RASA1: variants seen among roughly 807,000 people sequenced by gnomAD.
RASA1 encodes the protein RAS p21 protein activator 1.
Under a neutral mutation model 132.2 loss-of-function variants are expected in RASA1, and 25 were observed. That is an observed-to-expected ratio of 0.19 (90% CI 0.14 to 0.26). RASA1 has a LOEUF of 0.26. RASA1 is among the 10% of genes least tolerant of loss of function. The pLI is 1.00. For synonymous variants in RASA1, 477 were observed against 449.9 expected (o/e 1.06, Z -0.76); for missense variants, 964 against 1,299.2 (o/e 0.74, Z 3.97).
intron 1 of RASA1, among the ~76,000 whole-genome samples, chr5:87,287,588 C>CA (rs1754690458): frequency 6.9e-6 from 1 of 144,748 alleles, no homozygotes; most frequent in Non-Finnish European, 1.5e-5. Context: ...CATATATATA[C>CA]ACCATACATA....
At chr5:87,361,147 T>A (rs4421140) in intron 9 of RASA1, among the ~76,000 whole-genome samples, 2 of 151,980 alleles carry the variant, frequency 1.3e-5, no homozygotes, top group Admixed American at 1.3e-4. Flanking sequence ...GTGTGTCCAC[T>A]AAAGTCTGTC....
Position 87,385,437 on chromosome 5 carries a change from G to A in RASA1, c.2847+48G>A, listed in dbSNP as rs763451214. The A allele has an allele frequency of 6.5e-6, 9 of 1,384,132 alleles. No homozygotes were observed. In the African/African-American group the frequency reaches 1.0e-4, roughly 15 times the overall value. The allele number at this position is 1,384,132 out of a possible 1,614,324, so 85.7% of individuals were successfully genotyped here. ...AAATGTAATTTATGAATGCAAGTTT[G>A]ACATGATAAAACCATAAATTGTGGC... On this transcript the variant is annotated intron_variant, in intron 22 of 24. Transcript: ENST00000274376.
In RASA1 at chr5:87,268,921, ACT is replaced by A. The variant is rs797044451; in HGVS notation, c.475_476del (p.Leu159GlyfsTer20). The A allele has an allele frequency of 1.2e-6, 2 of 1,613,954 alleles. No individual in the cohort carries two copies. Among genetic ancestry groups the A allele is most frequent in the Non-Finnish European group, 1.7e-6 (2 of 1,179,992 alleles). ...GGCCTCGGGACAGTGGACGAAGGTG[ACT>A]CTCTGGATGGACCAGAATACGAGGA... On this transcript the variant is annotated frameshift_variant, in exon 1 of 25. Coordinates refer to ENST00000274376, the MANE Select transcript of RASA1 (RefSeq NM_002890.3). LOFTEE classifies it high-confidence loss of function.
intron 1 of RASA1, among the ~76,000 whole-genome samples, chr5:87,273,324 A>G (rs1753926095): frequency 6.6e-6 from 1 of 152,148 alleles, no homozygotes; most frequent in Admixed American, 6.5e-5. Context: ...AAATTATAAA[A>G]ATAAAAAAAA....
At chr5:87,374,355 C>A (rs1304352845) in intron 14 of RASA1, 35 bp downstream of exon 14, 2 of 1,566,976 alleles carry the variant, frequency 1.3e-6, no homozygotes, top group Non-Finnish European at 1.7e-6. Context: ...TAATCATTTT[C>A]TTTTACCATA....
intron 9 of RASA1, among the ~76,000 whole-genome samples, chr5:87,360,483 T>C (rs1760004587): frequency 1.3e-5 from 2 of 152,214 alleles, no homozygotes; most frequent in African/African-American, 4.8e-5. Flanking sequence ...GCTCCATAAT[T>C]GTAAAATATT....
chr5:87,273,725 T>A (rs1480937137), intron 1 of RASA1, among the ~76,000 whole-genome samples: 1 of 143,858 alleles, frequency 7.0e-6, no homozygotes, highest in Non-Finnish European at 1.5e-5. Flanking sequence ...TGAGATGGAG[T>A]CTTGCTCTGT....
In RASA1 at chr5:87,275,727, C is replaced by T. The variant is rs113496021; in HGVS notation, c.539+6737C>T. Among the ~76,000 whole-genome samples, 9 of 152,240 alleles carry T rather than the reference C, an allele frequency of 5.9e-5. No homozygotes were observed. In the South Asian group the frequency reaches 6.2e-4, roughly 11 times the overall value. The stretch of plus-strand genomic sequence containing the variant: ...CTGGCATTACAGGTGCGTGCCACCA[C>T]GTCCAGCTAATTTTTGTATTTTTCA... On this transcript the variant is annotated intron_variant, in intron 1 of 24. Transcript: ENST00000274376.
intron 1 of RASA1, among the ~76,000 whole-genome samples, chr5:87,281,636 A>C (rs1042109382): frequency 6.6e-6 from 1 of 151,686 alleles, no homozygotes; most frequent in Non-Finnish European, 1.5e-5. Context: ...GCTGGAGTGC[A>C]GTGACACGAT....
chr5:87,343,083 T>C (rs1262871015), intron 6 of RASA1, among the ~76,000 whole-genome samples: 2 of 152,188 alleles, frequency 1.3e-5, no homozygotes, highest in Non-Finnish European at 2.9e-5. Context: ...CCCTTTAATT[T>C]CCTAATATAG....
At chr5:87,345,205 G>A (rs564204881) in intron 6 of RASA1, among the ~76,000 whole-genome samples, 1 of 152,212 alleles carries the variant, frequency 6.6e-6, no homozygotes, top group South Asian at 2.1e-4. Context: ...AAACCATGTG[G>A]TTGAAATATA....
At chr5:87,360,835 T>A (rs1760032182) in intron 9 of RASA1, among the ~76,000 whole-genome samples, 1 of 152,222 alleles carries the variant, frequency 6.6e-6, no homozygotes, top group South Asian at 2.1e-4. Context: ...TTTCTTTGCA[T>A]TCGTTTTCTG....
chr5:87,274,858 G>A (rs1256085923), intron 1 of RASA1, among the ~76,000 whole-genome samples: 1 of 152,170 alleles, frequency 6.6e-6, no homozygotes, highest in African/African-American at 2.4e-5. Context: ...ACATAATTAT[G>A]AATTAGATGA....
chr5:87,268,425 G>A lies in RASA1; in HGVS notation c.-27G>A, dbSNP rs934655084. On this transcript the variant is annotated 5_prime_UTR_variant, in exon 1 of 25. Transcript: ENST00000274376. ...CCCCTGGGGCTCCCGGGCGGGCAGG[G>A]TAGGGCAGAGTAGAGCGGGCTTCAA... The A allele has an allele frequency of 2.6e-6, 4 of 1,525,136 alleles. No homozygotes were observed. Among genetic ancestry groups the A allele is most frequent in the African/African-American group, 2.8e-5 (2 of 72,610 alleles). 94.5% of individuals were successfully genotyped at this position (1,525,136 alleles called of 1,614,324 possible).
At position 87,378,582 on chromosome 5, in the gene RASA1, T is replaced by C. The variant is rs772995503; in HGVS notation, c.2487+44T>C. The C allele has an allele frequency of 3.9e-6, 6 of 1,528,292 alleles. No individual in the cohort carries two copies. In the African/African-American group the frequency reaches 6.9e-5, roughly 18 times the overall value. 94.7% of individuals were successfully genotyped at this position (1,528,292 alleles called of 1,614,324 possible). A position where few individuals can be genotyped will look rare whatever the true frequency, so the allele number is the denominator to read the frequency against. On this transcript the variant is annotated intron_variant, in intron 18 of 24. Transcript: ENST00000274376. ...AATAAGTATTTTTGCAAAGAACATA[T>C]TTTAATAGGTAATAATTTGTAGCCA...
chr5:87,300,897 C>G (rs571275007), intron 1 of RASA1, among the ~76,000 whole-genome samples: 11 of 152,292 alleles, frequency 7.2e-5, no homozygotes, highest in Admixed American at 5.9e-4. Context: ...TCTGTCCTGT[C>G]TCTGACCTTA....
chr5:87,311,337 C>T (rs1561271490), intron 1 of RASA1, among the ~76,000 whole-genome samples: 1 of 152,172 alleles, frequency 6.6e-6, no homozygotes, highest in Non-Finnish European at 1.5e-5. Context: ...GGCTTTGTAT[C>T]TACAACTGTG....
In RASA1 at chr5:87,331,488, T is replaced by G; in HGVS notation, c.680T>G (p.Val227Gly). Reference protein sequence around the residue: ...VLSFLSQMNVVNHFRIIAMCG... With the variant: ...VLSFLSQMNVGNHFRIIAMCG... ...TCATTTCTTAGCCAGATGAATGTTG[T>G]CAACCATTTTAGGTAAGTCTTTATT... The change falls in exon 2 of 25, where the codon GTC (valine) becomes GGC (glycine). Residue 227 changes from valine to glycine, a missense_variant. Val to Gly is a moderately radical substitution (Grantham distance 109, BLOSUM62 -3). Coordinates refer to ENST00000274376, the MANE Select transcript of RASA1 (RefSeq NM_002890.3). 3 of 1,613,834 alleles carry G rather than the reference T, an allele frequency of 1.9e-6. No individual in the cohort carries two copies. Among genetic ancestry groups the G allele is most frequent in the Non-Finnish European group, 1.7e-6 (2 of 1,179,798 alleles).
chr5:87,350,694 A>G (rs933534964), intron 8 of RASA1, among the ~76,000 whole-genome samples: 1 of 151,516 alleles, frequency 6.6e-6, no homozygotes, highest in African/African-American at 2.4e-5. Context: ...AAATTATTGC[A>G]ATATTATGTT....
Sources: allele counts gnomAD v4.1 joint callset (sites outside exome capture counted in the v4.1 genomes callset), GRCh38; gene constraint gnomAD v4.1.1; transcripts MANE v1.5; gene names NCBI Gene and HGNC (gene_info 2026-07-23, HGNC 2026-07-21).